NOL11: variants seen among roughly 807,000 people sequenced by gnomAD.
The protein encoded by NOL11 is nucleolar protein 11.
A neutral mutation model predicts 93.0 loss-of-function variants in NOL11; 42 were observed. The ratio of observed to expected loss-of-function variants is 0.45; its 90% CI spans 0.35 to 0.58. The LOEUF (loss-of-function observed/expected upper bound fraction) is 0.58, where lower values mean the gene tolerates loss of function less well. NOL11 is among the 20% of genes least tolerant of loss of function. The pLI is 0.00. For missense variants in NOL11, 775 were observed against 841.8 expected, an observed-to-expected ratio of 0.92 and a Z score of 0.98; for synonymous variants, 296 against 293.7, an observed-to-expected ratio of 1.01 and a Z score of -0.08.
intron 7 of NOL11, among the ~76,000 whole-genome samples, chr17:67,727,521 G>A (rs1599039200): frequency 6.6e-6 from 1 of 152,168 alleles, no homozygotes; most frequent in East Asian, 1.9e-4. Context: ...GCTGGGTGTG[G>A]TGGCGCATGC....
At chr17:67,722,448 A>C in intron 4 of NOL11, 132 bp from the exon 5 acceptor site, 1 of 1,377,926 alleles carries the variant, frequency 7.3e-7, no homozygotes, top group Non-Finnish European at 9.5e-7. Flanking sequence ...AAAACGCCCA[A>C]TTAAGTGTTC....
intron 16 of NOL11, 127 bp from the exon 17 acceptor site, chr17:67,743,335 ATTGCTCCATCTCTAAAC>A: frequency 4.4e-6 from 2 of 449,486 alleles, no homozygotes; most frequent in South Asian, 1.1e-4. Context: ...TTTCGTAGAA[ATTGCTCCATCTCTAAAC>A]AAAAATGTTC....
In NOL11 at chr17:67,726,530, A is replaced by C. The variant is rs772379633; in HGVS notation, c.735A>C (p.Leu245Phe). 6.2e-7 allele frequency: 1 copy of C among 1,614,178 alleles called. No homozygotes were observed. The highest frequency in any genetic ancestry group is 8.5e-7 in the Non-Finnish European group (1 of 1,180,028). Residue 245 changes from leucine to phenylalanine, a missense_variant, in exon 7 of 18, where the codon TTA becomes TTC. This residue lies in a region of NOL11 where 359 missense variants were observed against 316.5 expected (regional missense o/e 1.13). Coordinates refer to ENST00000253247, the MANE Select transcript of NOL11 (RefSeq NM_015462.5). ...RPADPEKNQS[L>F]VKSLLLKAVV... ...CTGACCCAGAAAAAAATCAGAGCTT[A>C]GTTAAATCACTGCTGCTCAAGGCTG...
intron 10 of NOL11, 48 bp from the exon 11 acceptor site, chr17:67,737,023 G>A (rs770917014): frequency 1.7e-6 from 2 of 1,196,056 alleles, no homozygotes; most frequent in Non-Finnish European, 2.5e-6. Context: ...AATGTGTATT[G>A]GATCTCTTAT....
Position 67,721,466 on chromosome 17 carries a change from C to G in NOL11, c.401C>G (p.Ala134Gly). The G allele has an allele frequency of 6.2e-7, 1 of 1,613,888 alleles. No homozygotes were observed. Among genetic ancestry groups the G allele is most frequent in the Non-Finnish European group, 8.5e-7 (1 of 1,179,798 alleles). ...GAAGGTGCTGTTCGTGGTTTAGAGGCCTTGCTTGCAGACCCCCAGCAGAAA... is the reference window on the plus strand; with the variant it reads ...GAAGGTGCTGTTCGTGGTTTAGAGGGCTTGCTTGCAGACCCCCAGCAGAAA... ...FKEGAVRGLE[A>G]LLADPQQKIE... is the part of the protein sequence containing the mutation. Residue 134 changes from alanine to glycine, a missense_variant, in exon 4 of 18, where the codon GCC (alanine) becomes GGC (glycine). Ala to Gly is a moderately conservative substitution (Grantham distance 60). Coordinates refer to ENST00000253247, the MANE Select transcript of NOL11 (RefSeq NM_015462.5).
intron 9 of NOL11, 74 bp downstream of exon 9, chr17:67,736,097 AG>A: frequency 7.6e-7 from 1 of 1,315,088 alleles, no homozygotes; most frequent in Non-Finnish European, 1.0e-6. Flanking sequence ...AGATTCCCAC[AG>A]CCTTCTATTT....
chr17:67,729,359 TC>T (rs2055129458), intron 7 of NOL11, among the ~76,000 whole-genome samples: 1 of 152,106 alleles, frequency 6.6e-6, no homozygotes, highest in South Asian at 2.1e-4. Flanking sequence ...CCTCAAGTGA[TC>T]CACCCACCTT....
At chr17:67,741,733 C>T (rs908485831) in intron 16 of NOL11, among the ~76,000 whole-genome samples, 18 of 151,618 alleles carry the variant, frequency 1.2e-4, no homozygotes, top group Non-Finnish European at 2.7e-4. Context: ...CACCATGCCC[C>T]TGTGCTTTTA....
intron 7 of NOL11, 54 bp from the exon 8 acceptor site, chr17:67,734,309 A>T: frequency 1.0e-6 from 1 of 1,000,986 alleles, no homozygotes; most frequent in Non-Finnish European, 1.6e-6. Flanking sequence ...CTTCCCCAAA[A>T]TATCATATAT....
chr17:67,718,000 G>A lies in NOL11; in HGVS notation c.53G>A (p.Gly18Glu). Reference protein sequence around the residue: ...FTLSSVVLSAGPEGLLGVEQS... With the variant: ...FTLSSVVLSAEPEGLLGVEQS... ...TTGTCTTCGGTAGTCCTGAGCGCCG[G>A]GCCTGAAGGACTCCTAGGCGTGGAG... The change falls in exon 1 of 18, where the codon GGG becomes GAG. Residue 18 changes from glycine (G) to glutamate (E), a missense_variant. Transcript: ENST00000253247. 6.2e-7 allele frequency: 1 copy of A among 1,614,212 alleles called. No homozygotes were observed.
At position 67,718,106 on chromosome 17, in the gene NOL11, G is replaced by A. The variant is rs754948915; in HGVS notation, c.141+18G>A. 1.2e-6 allele frequency: 2 copies of A among 1,607,578 alleles called. No individual in the cohort carries two copies. Among genetic ancestry groups the A allele is most frequent in the South Asian group, 2.2e-5 (2 of 90,694 alleles). On this transcript the variant is annotated intron_variant, in intron 1 of 17. Coordinates refer to ENST00000253247, the MANE Select transcript of NOL11 (RefSeq NM_015462.5). ...TCTATAAGGTGAAGGCAATAGGTTT[G>A]GGAGCGCCCCGACTGCCTTCTCGCC...
intron 5 of NOL11, 28 bp downstream of exon 5, chr17:67,722,665 A>C: frequency 6.6e-7 from 1 of 1,507,512 alleles, no homozygotes; most frequent in Admixed American, 2.7e-5. Flanking sequence ...TTCCTGGCCC[A>C]TTTTGTGAAA....
intron 3 of NOL11, 71 bp downstream of exon 3, chr17:67,720,033 G>A (rs941078619): frequency 7.3e-7 from 1 of 1,376,288 alleles, no homozygotes; most frequent in South Asian, 1.5e-5. Flanking sequence ...AATAAAGTAT[G>A]TGTTATTTAT....
rs776877033 is a variant in NOL11, at chr17:67,737,945, C to T, written c.1502C>T (p.Thr501Ile). 9 of 1,611,564 alleles carry T rather than the reference C, an allele frequency of 5.6e-6. No individual in the cohort carries two copies. The highest frequency in any genetic ancestry group is 2.2e-5 in the South Asian group (2 of 90,724). The change falls in exon 13 of 18, where the codon ACC (threonine) becomes ATC (isoleucine). Residue 501 changes from threonine (T) to isoleucine (I), a missense_variant. Coordinates refer to ENST00000253247, the MANE Select transcript of NOL11 (RefSeq NM_015462.5). ...TTCCCTGACATTCCTGAATCAGTCA[C>T]CTGTGCTTGCTTAAAAATTTTCTTG... ...QQFPDIPESVTCACLKIFLSI... is the reference protein window; with the variant it reads ...QQFPDIPESVICACLKIFLSI...
At chr17:67,734,333 T>C (rs2055181681) in intron 7 of NOL11, 30 bp from the exon 8 acceptor site, 1 of 1,333,348 alleles carries the variant, frequency 7.5e-7, no homozygotes, top group African/African-American at 1.5e-5. Flanking sequence ...TACTTGGGAC[T>C]TTTTTCTGAA....
intron 16 of NOL11, among the ~76,000 whole-genome samples, chr17:67,741,281 G>T (rs943344015): frequency 4.6e-5 from 7 of 152,042 alleles, no homozygotes; most frequent in African/African-American, 1.4e-4. Flanking sequence ...TATTGACCAG[G>T]CTCATCTCAA....
intron 2 of NOL11, 43 bp from the exon 3 acceptor site, chr17:67,719,863 A>G (rs1470480450): frequency 6.6e-7 from 1 of 1,522,592 alleles, no homozygotes; most frequent in East Asian, 2.3e-5. Flanking sequence ...TTATATGTAA[A>G]TGGAGAATAG....
rs141063559 is a variant in NOL11, at chr17:67,724,034, C to CT, written c.520-5dup. On this transcript the variant is annotated splice_polypyrimidine_tract_variant and intron_variant, in intron 5 of 17. Coordinates refer to ENST00000253247, the MANE Select transcript of NOL11 (RefSeq NM_015462.5). ...GAAATGGGAATATTTATAAAATAAC[C>CT]TTTTTTTTTTGCAGCATGGAAATTA... 0.022 allele frequency: 27,189 copies of CT among 1,232,946 alleles called. 314 individuals are homozygous for CT. Among genetic ancestry groups the CT allele is most frequent in the African/African-American group, 0.12 (7,685 of 65,258 alleles). 76.4% of individuals were successfully genotyped at this position (1,232,946 alleles called of 1,614,324 possible).
chr17:67,726,567 A>G lies in NOL11; in HGVS notation c.772A>G (p.Asn258Asp). The part of the protein sequence containing the change: ...SLLLKAVVSG[N>D]ARNGVALTAL... ...GCTGCTCAAGGCTGTTGTATCTGGTAACGCTCGAAATGGAGTTGCACTCAC... is the reference window on the plus strand; with the variant it reads ...GCTGCTCAAGGCTGTTGTATCTGGTGACGCTCGAAATGGAGTTGCACTCAC... Residue 258 changes from asparagine (N) to aspartate (D), a missense_variant, in exon 7 of 18, where the codon AAC becomes GAC. Transcript: ENST00000253247. The G allele has an allele frequency of 6.2e-7, 1 of 1,614,172 alleles. No homozygotes were observed. The highest frequency in any genetic ancestry group is 1.1e-5 in the South Asian group (1 of 91,072).
Sources: gnomAD v4.1 joint callset for allele counts (sites outside exome capture counted in the v4.1 genomes callset) on GRCh38, gnomAD v4.1.1 for gene constraint, gnomAD v4.1.1 regional missense constraint, MANE v1.5 for transcripts, NCBI Gene and HGNC (gene_info 2026-07-23, HGNC 2026-07-21) for gene names.